Variants in AGPAT4 observed in about 807,000 individuals in gnomAD.
AGPAT4 encodes the protein 1-acyl-sn-glycerol-3-phosphate acyltransferase delta.
Under a neutral mutation model 48.0 loss-of-function variants are expected in AGPAT4, and 15 were observed. That is an observed-to-expected ratio of 0.31 (90% CI 0.21 to 0.48). The LOEUF (loss-of-function observed/expected upper bound fraction) is 0.48, where lower values mean the gene tolerates loss of function less well. Among genes scored for constraint, AGPAT4 ranks in the 20% least tolerant of loss-of-function variants. The probability of loss-of-function intolerance (pLI) is 0.99; values close to 1 mark genes in which losing one functional copy is unlikely to be tolerated. For missense variants in AGPAT4, 314 were observed against 482.5 expected (o/e 0.65, Z 3.27); for synonymous variants, 178 against 198.7 (o/e 0.90, Z 0.88).
chr6:161,252,171 C>A (rs1316364417), intron 1 of AGPAT4, among the ~76,000 whole-genome samples: 1 of 152,192 alleles, frequency 6.6e-6, no homozygotes, highest in Non-Finnish European at 1.5e-5. Context: ...CTTCCTTTGA[C>A]AAAACTACGG....
rs1300465642 is a variant in AGPAT4 at position 161,178,916 on chromosome 6, A to G, written c.179-12499T>C. ...CTTGCAGCCACATCTGGCTTTGACCAGTTGCTGCTGCCTGTTCTACAAACC... is the reference window on the plus strand; with the variant it reads ...CTTGCAGCCACATCTGGCTTTGACCGGTTGCTGCTGCCTGTTCTACAAACC... On this transcript the variant is annotated intron_variant, in intron 2 of 8. Coordinates refer to ENST00000320285, the MANE Select transcript of AGPAT4 (RefSeq NM_020133.3). The surrounding 1 kb of genome is among the most constrained non-coding windows in gnomAD (Gnocchi z 5.1). Among the ~76,000 whole-genome samples, 3 of 152,198 alleles carry G rather than the reference A, an allele frequency of 2.0e-5. No homozygotes were observed. Among genetic ancestry groups the G allele is most frequent in the Non-Finnish European group, 4.4e-5 (3 of 68,038 alleles).
Position 161,130,867 on chromosome 6 carries a change from G to A in AGPAT4, c.*5673C>T. ...TAGTTCATCAACTTTCCTTCCTCAT[G>A]ATCTGCAAAGATACAGAGAGAATGG... On this transcript the variant is annotated 3_prime_UTR_variant, in exon 9 of 9. Transcript: ENST00000320285. The A allele has an allele frequency of 1.9e-6, 1 of 518,996 alleles. No individual in the cohort carries two copies. Among genetic ancestry groups the A allele is most frequent in the Non-Finnish European group, 3.8e-6 (1 of 259,842 alleles). The allele number at this position is 518,996 out of a possible 1,614,324, so 32.1% of individuals were successfully genotyped here.
Position 161,202,665 on chromosome 6 carries a change from T to TC in AGPAT4, c.178+29370dup, listed in dbSNP as rs1343857529. ...CAGGCTCTTCTAGAATGTAAGTCAT[T>TC]CCCCCATCGAGAGGTAAAATGGAAT... On this transcript the variant is annotated intron_variant, in intron 2 of 8. Coordinates refer to ENST00000320285, the MANE Select transcript of AGPAT4 (RefSeq NM_020133.3). The surrounding 1 kb of genome is among the most constrained non-coding windows in gnomAD (Gnocchi z 5.4). 6.6e-6 allele frequency among the ~76,000 whole-genome samples: 1 copy of TC among 152,108 alleles called. No individual in the cohort carries two copies. The highest frequency in any genetic ancestry group is 1.5e-5 in the Non-Finnish European group (1 of 68,030).
Position 161,221,530 on chromosome 6 carries a change from C to T in AGPAT4, c.178+10506G>A, listed in dbSNP as rs183793321. Among the ~76,000 whole-genome samples, 10 of 152,236 alleles carry T rather than the reference C, an allele frequency of 6.6e-5. No individual in the cohort carries two copies. In the East Asian group the frequency reaches 1.9e-3, roughly 29 times the overall value. ...TACCATATTAATGTGTCATTTATCA[C>T]GAAACTGGACTTCACTTTGGACTTC... On this transcript the variant is annotated intron_variant, in intron 2 of 8. Transcript: ENST00000320285. This position sits in a 1 kb window ranked among gnomAD's most constrained non-coding sequence, Gnocchi z 4.5.
At position 161,149,252 on chromosome 6, in the gene AGPAT4, A is replaced by G; in HGVS notation, c.702T>C (p.Asn234=). 6.2e-7 allele frequency: 1 copy of G among 1,613,346 alleles called. No homozygotes were observed. The highest frequency in any genetic ancestry group is 8.5e-7 in the Non-Finnish European group (1 of 1,179,956). Residue 234 remains asparagine, a synonymous_variant, in exon 6 of 9, where the codon AAT becomes AAC. Transcript: ENST00000320285. The surrounding 1 kb of genome is among the most constrained non-coding windows in gnomAD (Gnocchi z 6.5). ...CTCCCAGCAGTGTTGGATTTTCATT[A>G]TTTCTGAAATTGAGTGTACAGTCAT... ...AVYDCTLNFR[N]NENPTLLGVL...
At chr6:161,263,716 C>A (rs1783170352) in intron 1 of AGPAT4, among the ~76,000 whole-genome samples, 1 of 152,254 alleles carries the variant, frequency 6.6e-6, no homozygotes, top group Middle Eastern at 3.4e-3. Flanking sequence ...ATTTCAGTGA[C>A]CCCCACAACA....
rs1782916572 is a variant in AGPAT4 at position 161,255,281 on chromosome 6, A to G, written c.-90+18657T>C. On this transcript the variant is annotated intron_variant, in intron 1 of 8. Transcript: ENST00000320285. The surrounding 1 kb of genome is among the most constrained non-coding windows in gnomAD (Gnocchi z 4.7). ...AATACCATTGCTTCTTTCGCTTCAG[A>G]AAAGATTTTGGGAAGTGAATGAAAC... Among the ~76,000 whole-genome samples, 1 of 152,222 alleles carries G rather than the reference A, an allele frequency of 6.6e-6. No individual in the cohort carries two copies. Among genetic ancestry groups the G allele is most frequent in the Non-Finnish European group, 1.5e-5 (1 of 68,048 alleles).
In AGPAT4 at chr6:161,149,381, G is replaced by T; in HGVS notation, c.665-92C>A. Reference sequence around the variant, plus strand: ...ACACATTGGAAGACAATAATCAAATGGCTAACTGCTTATCTAGAAATGGTG... The same window carrying T: ...ACACATTGGAAGACAATAATCAAATTGCTAACTGCTTATCTAGAAATGGTG... On this transcript the variant is annotated intron_variant, in intron 5 of 8. Transcript: ENST00000320285. This position sits in a 1 kb window ranked among gnomAD's most constrained non-coding sequence, Gnocchi z 6.5. 1.8e-6 allele frequency: 2 copies of T among 1,083,636 alleles called. No homozygotes were observed. The highest frequency in any genetic ancestry group is 2.6e-6 in the Non-Finnish European group (2 of 780,386). The allele number at this position is 1,083,636 out of a possible 1,614,324, so 67.1% of individuals were successfully genotyped here.
At position 161,200,410 on chromosome 6, in the gene AGPAT4, C is replaced by T. The variant is rs1377826697; in HGVS notation, c.178+31626G>A. On this transcript the variant is annotated intron_variant, in intron 2 of 8. Coordinates refer to ENST00000320285, the MANE Select transcript of AGPAT4 (RefSeq NM_020133.3). This position sits in a 1 kb window ranked among gnomAD's most constrained non-coding sequence, Gnocchi z 5.5. The stretch of plus-strand genomic sequence containing the variant: ...ATTCAGAGAGTTTTATCTTAAATAA[C>T]ATGCCATTTTATCTCCAAATAACCA... Among the ~76,000 whole-genome samples, 1 of 152,176 alleles carries T rather than the reference C, an allele frequency of 6.6e-6. No homozygotes were observed. Among genetic ancestry groups the T allele is most frequent in the Non-Finnish European group, 1.5e-5 (1 of 68,032 alleles).
intron 1 of AGPAT4, among the ~76,000 whole-genome samples, chr6:161,247,055 C>G (rs1782670855): frequency 6.6e-6 from 1 of 152,210 alleles, no homozygotes; most frequent in Non-Finnish European, 1.5e-5. Context: ...AAGTTGAGTC[C>G]TCTTCCTACC....
intron 2 of AGPAT4, among the ~76,000 whole-genome samples, chr6:161,187,924 T>G (rs913118906): frequency 6.6e-6 from 1 of 152,226 alleles, no homozygotes; most frequent in Non-Finnish European, 1.5e-5. Flanking sequence ...AAAATCTACA[T>G]AAGATAAATA....
intron 2 of AGPAT4, among the ~76,000 whole-genome samples, chr6:161,182,476 T>C (rs1401790129): frequency 3.9e-5 from 4 of 101,470 alleles, no homozygotes; most frequent in African/African-American, 1.2e-4. Flanking sequence ...ACCCCAGCAC[T>C]GCATCCCAGC....
At chr6:161,192,897 G>T (rs1342329713) in intron 2 of AGPAT4, among the ~76,000 whole-genome samples, 3 of 152,208 alleles carry the variant, frequency 2.0e-5, no homozygotes, top group Non-Finnish European at 2.9e-5. Flanking sequence ...TCGCTCTTTG[G>T]AAGGTGGTCT....
At chr6:161,136,953 T>TAAAG (rs1378958035) in intron 8 of AGPAT4, among the ~76,000 whole-genome samples, 2 of 152,178 alleles carry the variant, frequency 1.3e-5, no homozygotes, top group Non-Finnish European at 2.9e-5. Flanking sequence ...GACCCCCAGG[T>TAAAG]AAAGAGGATT....
At chr6:161,174,729 T>A (rs1029956061) in intron 2 of AGPAT4, among the ~76,000 whole-genome samples, 2 of 152,314 alleles carry the variant, frequency 1.3e-5, no homozygotes, top group Admixed American at 1.3e-4. Context: ...TGTGCCAGTT[T>A]TCAAAGGGAA....
In AGPAT4 at chr6:161,261,788, C is replaced by T. The variant is rs186678016; in HGVS notation, c.-90+12150G>A. ...CTTTTCTCTTTCTTTATGAGTGGAC[C>T]TTCGGCTTCTGACTGCATTTTCCTA... is the stretch of plus-strand genomic sequence containing the variant. On this transcript the variant is annotated intron_variant, in intron 1 of 8. Transcript: ENST00000320285. The surrounding 1 kb of genome is among the most constrained non-coding windows in gnomAD (Gnocchi z 5.3). Among the ~76,000 whole-genome samples the T allele has an allele frequency of 9.9e-5, 15 of 152,234 alleles. No individual in the cohort carries two copies. The East Asian group carries it at 1.9e-3, about 20-fold the overall frequency.
rs1169864644 is a variant in AGPAT4, at chr6:161,238,930, C to G, written c.-89-6628G>C. ...TAAGTTTCCTGAGGCCTCTCCAGCC[C>G]TGCAGAACTGTGAGTCAATTAAACC... On this transcript the variant is annotated intron_variant, in intron 1 of 8. Transcript: ENST00000320285. This position sits in a 1 kb window ranked among gnomAD's most constrained non-coding sequence, Gnocchi z 5.2. Among the ~76,000 whole-genome samples, 2 of 152,184 alleles carry G rather than the reference C, an allele frequency of 1.3e-5. No homozygotes were observed. Among genetic ancestry groups the G allele is most frequent in the Non-Finnish European group, 2.9e-5 (2 of 68,038 alleles).
rs1340829690 is a variant in AGPAT4, at chr6:161,221,761, G to A, written c.178+10275C>T. On this transcript the variant is annotated intron_variant, in intron 2 of 8. Transcript: ENST00000320285. This position sits in a 1 kb window ranked among gnomAD's most constrained non-coding sequence, Gnocchi z 4.5. ...GTGTCACAGCTCTCTCCCAGCGGCTGGGAGCCAGGTGTTCCTTGGCTTGCA... is the reference window on the plus strand; with the variant it reads ...GTGTCACAGCTCTCTCCCAGCGGCTAGGAGCCAGGTGTTCCTTGGCTTGCA... 3.3e-5 allele frequency among the ~76,000 whole-genome samples: 5 copies of A among 152,198 alleles called. No individual in the cohort carries two copies. The highest frequency in any genetic ancestry group is 9.6e-5 in the African/African-American group (4 of 41,452).
At position 161,208,860 on chromosome 6, in the gene AGPAT4, G is replaced by T. The variant is rs907250882; in HGVS notation, c.178+23176C>A. On this transcript the variant is annotated intron_variant, in intron 2 of 8. Coordinates refer to ENST00000320285, the MANE Select transcript of AGPAT4 (RefSeq NM_020133.3). The surrounding 1 kb of genome is among the most constrained non-coding windows in gnomAD (Gnocchi z 4.6). ...GAAGGCCAGGATGAAATGCACAGCT[G>T]CCTAACAGGAAAAAAATCATTAATA... 6.6e-6 allele frequency among the ~76,000 whole-genome samples: 1 copy of T among 152,180 alleles called. No individual in the cohort carries two copies. The highest frequency in any genetic ancestry group is 2.4e-5 in the African/African-American group (1 of 41,442).
Sources: allele counts gnomAD v4.1 joint callset (sites outside exome capture counted in the v4.1 genomes callset), GRCh38; gene constraint gnomAD v4.1.1; non-coding constraint Gnocchi (gnomAD v3.1); transcripts MANE v1.5; gene names NCBI Gene and HGNC (gene_info 2026-07-23, HGNC 2026-07-21).